The following YWHAH variants were observed in gnomAD, a reference collection of about 807,000 sequenced individuals.
The protein encoded by YWHAH is tyrosine 3-monooxygenase/tryptophan 5-monooxygenase activation protein eta, also known as 14-3-3 protein eta.
In YWHAH, 6 loss-of-function variants were observed where a neutral mutation model predicts 22.9. That is an observed-to-expected ratio of 0.26 (90% confidence interval 0.14 to 0.52). The LOEUF (loss-of-function observed/expected upper bound fraction) is 0.52. Among genes scored for constraint, YWHAH ranks in the 20% least tolerant of loss-of-function variants. The pLI is 0.97. For missense variants in YWHAH, 173 were observed against 308.6 expected (o/e 0.56, Z 3.29); for synonymous variants, 135 against 124.5 (o/e 1.08, Z -0.56).
intron 1 of YWHAH, among the ~76,000 whole-genome samples, chr22:31,952,036 C>T (rs2858749): frequency 6.6e-6 from 1 of 152,114 alleles, no homozygotes; most frequent in Non-Finnish European, 1.5e-5. Flanking sequence ...TGTGGCTACA[C>T]TGAGGGAAGG....
At chr22:31,950,384 C>A (rs1191658078) in intron 1 of YWHAH, 4 of 779,438 alleles carry the variant, frequency 5.1e-6, no homozygotes, top group African/African-American at 5.1e-5. Context: ...GCTCCTCCCG[C>A]CCCTACTCCT....
chr22:31,946,373 G>T (rs2093834663), intron 1 of YWHAH, among the ~76,000 whole-genome samples: 2 of 152,184 alleles, frequency 1.3e-5, no homozygotes, highest in South Asian at 4.1e-4. Context: ...AAGGGACCCT[G>T]AACCTTAATT....
chr22:31,950,996 G>A (rs1319140790), intron 1 of YWHAH, among the ~76,000 whole-genome samples: 3 of 152,110 alleles, frequency 2.0e-5, no homozygotes, highest in South Asian at 2.1e-4. Flanking sequence ...TCCTGGGTTC[G>A]AGCGATTGTC....
chr22:31,956,183 C>T lies in YWHAH; in HGVS notation c.132C>T (p.Leu44=), dbSNP rs758808807. 3 of 1,613,906 alleles carry T rather than the reference C, an allele frequency of 1.9e-6. No homozygotes were observed. Among genetic ancestry groups the T allele is most frequent in the Non-Finnish European group, 8.5e-7 (1 of 1,179,962 alleles). Residue 44 remains leucine, a synonymous_variant, in exon 2 of 2, where the codon CTC becomes CTT. Coordinates refer to ENST00000248975, the MANE Select transcript of YWHAH (RefSeq NM_003405.4). The surrounding 1 kb of genome is among the most constrained non-coding windows in gnomAD (Gnocchi z 5.1). ...CTCTCTCCAATGAAGATCGAAATCT[C>T]CTCTCTGTGGCCTACAAGAATGTGG... ...NEPLSNEDRN[L]LSVAYKNVVG...
intron 1 of YWHAH, among the ~76,000 whole-genome samples, chr22:31,947,673 A>C (rs922286297): frequency 1.3e-5 from 2 of 152,236 alleles, no homozygotes; most frequent in Non-Finnish European, 2.9e-5. Context: ...TAGTGGGAAG[A>C]AATATTGTGA....
intron 1 of YWHAH, among the ~76,000 whole-genome samples, chr22:31,949,976 A>G (rs1198559706): frequency 6.7e-6 from 1 of 149,928 alleles, no homozygotes; most frequent in Non-Finnish European, 1.5e-5. Context: ...TCCAAATACG[A>G]TTAAGAACAA....
At chr22:31,952,463 TATCTGGTCAAGTAGTAAGCC>T (rs2093844597) in intron 1 of YWHAH, among the ~76,000 whole-genome samples, 1 of 152,242 alleles carries the variant, frequency 6.6e-6, no homozygotes, top group Non-Finnish European at 1.5e-5. Context: ...TTTCTTTAGT[TATCTGGTCAAGTAGTAAGCC>T]ATCTTCATTT....
rs2093830139 is a variant in YWHAH at position 31,944,583 on chromosome 22, TGCAG to T, written c.-150_-147del. 2 of 156,898 alleles carry T rather than the reference TGCAG, an allele frequency of 1.3e-5. No homozygotes were observed. The highest frequency in any genetic ancestry group is 2.0e-5 in the Non-Finnish European group (2 of 97,938). 9.7% of individuals were successfully genotyped at this position (156,898 alleles called of 1,614,324 possible). On this transcript the variant is annotated 5_prime_UTR_variant, in exon 1 of 2. Transcript: ENST00000248975. ...AGAGGGCGCGAGCGGCGGCGCTGCC[TGCAG>T]CCTGCAGCCTGCAGCCTCCGGCCGG...
intron 1 of YWHAH, among the ~76,000 whole-genome samples, chr22:31,953,035 T>C (rs2093845267): frequency 6.6e-6 from 1 of 152,272 alleles, no homozygotes; most frequent in African/African-American, 2.4e-5. Context: ...TTTTGTGTTA[T>C]GCAAGCATTC....
At chr22:31,944,850 C>T (rs1249978271) in intron 1 of YWHAH, 30 bp downstream of exon 1, 3 of 1,326,348 alleles carry the variant, frequency 2.3e-6, no homozygotes, top group African/African-American at 1.9e-5. Context: ...GGGCGGCTGG[C>T]CGGGGGGGGC....
chr22:31,950,870 G>C (rs999454299), intron 1 of YWHAH, among the ~76,000 whole-genome samples: 1 of 152,134 alleles, frequency 6.6e-6, no homozygotes, highest in South Asian at 2.1e-4. Context: ...ACTTGGGAAA[G>C]AGCTCAGCAA....
intron 1 of YWHAH, chr22:31,945,695 T>A: frequency 2.4e-6 from 3 of 1,241,558 alleles, no homozygotes; most frequent in Non-Finnish European, 3.1e-6. Flanking sequence ...GAATATTTCC[T>A]CTCCCTGCGT....
intron 1 of YWHAH, among the ~76,000 whole-genome samples, chr22:31,946,864 ATAAT>A (rs1261417861): frequency 6.6e-6 from 1 of 152,218 alleles, no homozygotes; most frequent in Non-Finnish European, 1.5e-5. Context: ...TATATTTGAA[ATAAT>A]TAATGAGTTG....
intron 1 of YWHAH, among the ~76,000 whole-genome samples, chr22:31,952,793 T>C (rs1375012810): frequency 1.3e-5 from 2 of 152,222 alleles, no homozygotes; most frequent in African/African-American, 4.8e-5. Context: ...AGAAAGAATA[T>C]GCTTACAGAT....
chr22:31,945,039 T>C (rs1435602337), intron 1 of YWHAH: 30 of 1,118,728 alleles, frequency 2.7e-5, no homozygotes, highest in Non-Finnish European at 3.2e-5. Flanking sequence ...GAGGGTGCAG[T>C]TCGGGATCGC....
intron 1 of YWHAH, among the ~76,000 whole-genome samples, chr22:31,955,397 A>G (rs2093848271): frequency 6.6e-6 from 1 of 151,546 alleles, no homozygotes. Flanking sequence ...TTGTCTTTGA[A>G]CATTTGACAA....
intron 1 of YWHAH, among the ~76,000 whole-genome samples, chr22:31,946,290 T>A (rs948567464): frequency 4.6e-5 from 7 of 151,956 alleles, no homozygotes; most frequent in Non-Finnish European, 2.9e-5. Flanking sequence ...ATTCAGGGGG[T>A]CCTTTAAAAG....
In YWHAH at chr22:31,945,040, T is replaced by C. The variant is rs115368220; in HGVS notation, c.87+220T>C. ...GGTGGGGGATCCGGGAGGGTGCAGT[T>C]CGGGATCGCGAAGGCAGCCCCGGAA... On this transcript the variant is annotated intron_variant, in intron 1 of 1. Transcript: ENST00000248975. 8,874 of 1,118,196 alleles carry C rather than the reference T, an allele frequency of 7.9e-3. 435 individuals are homozygous for C. In the African/African-American group the frequency reaches 0.12, roughly 15 times the overall value. 69.3% of individuals were successfully genotyped at this position (1,118,196 alleles called of 1,614,324 possible). A position where few individuals can be genotyped will look rare whatever the true frequency, so the allele number is the denominator to read the frequency against.
At position 31,944,579 on chromosome 22, in the gene YWHAH, TGCCTGCA is replaced by T. The variant is rs71697452; in HGVS notation, c.-136_-130del. 130,037 of 361,890 alleles carry T rather than the reference TGCCTGCA, an allele frequency of 0.36. 24,461 individuals carry two copies. The highest frequency in any genetic ancestry group is 0.38 in the Non-Finnish European group (91,496 of 240,046). The allele number at this position is 361,890 out of a possible 1,614,324, so 22.4% of individuals were successfully genotyped here. A position where few individuals can be genotyped will look rare whatever the true frequency, so the allele number is the denominator to read the frequency against. Reference sequence around the variant, plus strand: ...AGCGAGAGGGCGCGAGCGGCGGCGCTGCCTGCAGCCTGCAGCCTGCAGCCTCCGGCCG... The same window carrying T: ...AGCGAGAGGGCGCGAGCGGCGGCGCTGCCTGCAGCCTGCAGCCTCCGGCCG... On this transcript the variant is annotated 5_prime_UTR_variant, in exon 1 of 2. Coordinates refer to ENST00000248975, the MANE Select transcript of YWHAH (RefSeq NM_003405.4).
Sources: allele counts gnomAD v4.1 joint callset (sites outside exome capture counted in the v4.1 genomes callset), GRCh38; gene constraint gnomAD v4.1.1; non-coding constraint Gnocchi (gnomAD v3.1); transcripts MANE v1.5; gene names NCBI Gene and HGNC (gene_info 2026-07-23, HGNC 2026-07-21).